Variants in NWD2 observed in about 807,000 individuals in gnomAD.
The protein encoded by NWD2 is NACHT and WD repeat domain-containing protein 2.
In NWD2, 37 loss-of-function variants were observed where a neutral mutation model predicts 132.7. The ratio of observed to expected loss-of-function variants is 0.28; its 90% CI spans 0.21 to 0.37. The LOEUF (loss-of-function observed/expected upper bound fraction) is 0.37. Ranked by LOEUF, NWD2 falls within the 10% of genes least tolerant of loss-of-function variation. NWD2 has a pLI of 1.00. For missense variants in NWD2, 1,592 were observed against 2,122.4 expected, an observed-to-expected ratio of 0.75 and a Z score of 4.91; for synonymous variants, 705 against 803.0, an observed-to-expected ratio of 0.88 and a Z score of 2.06.
intron 2 of NWD2, among the ~76,000 whole-genome samples, chr4:37,347,452 A>C (rs1719658786): frequency 6.6e-6 from 1 of 152,124 alleles, no homozygotes. Flanking sequence ...GTTTATACCA[A>C]TTTAATTTAT....
At chr4:37,325,728 T>A (rs1203163702) in intron 1 of NWD2, among the ~76,000 whole-genome samples, 2 of 152,176 alleles carry the variant, frequency 1.3e-5, no homozygotes, top group Non-Finnish European at 2.9e-5. Context: ...TGGTCCATCC[T>A]GTGGACTGCT....
intron 1 of NWD2, among the ~76,000 whole-genome samples, chr4:37,322,509 A>G (rs144083651): frequency 2.3e-4 from 35 of 152,342 alleles, no homozygotes; most frequent in African/African-American, 6.7e-4. Context: ...CTGGAGGGAC[A>G]TAAACAGGAA....
chr4:37,287,343 A>AT (rs1453341851), intron 1 of NWD2, among the ~76,000 whole-genome samples: 29 of 150,130 alleles, frequency 1.9e-4, no homozygotes, highest in Middle Eastern at 3.4e-3. Context: ...GCTTTTTGCG[A>AT]CGGGGGGCAG....
At chr4:37,425,342 C>T (rs574680618) in intron 3 of NWD2, among the ~76,000 whole-genome samples, 3 of 152,266 alleles carry the variant, frequency 2.0e-5, no homozygotes, top group Admixed American at 1.3e-4. Flanking sequence ...GATTTTTCAG[C>T]CTTTTGGACT....
intron 1 of NWD2, among the ~76,000 whole-genome samples, chr4:37,282,288 C>T (rs1718144039): frequency 6.6e-6 from 1 of 152,036 alleles, no homozygotes; most frequent in Non-Finnish European, 1.5e-5. Flanking sequence ...AAATTGATAG[C>T]ATTATAGCTA....
At chr4:37,266,434 G>A (rs1717752868) in intron 1 of NWD2, among the ~76,000 whole-genome samples, 1 of 152,044 alleles carries the variant, frequency 6.6e-6, no homozygotes, top group Non-Finnish European at 1.5e-5. Context: ...GTAGCTACAG[G>A]TTACTTCAAG....
At chr4:37,419,548 G>A (rs1340246759) in intron 3 of NWD2, among the ~76,000 whole-genome samples, 1 of 151,902 alleles carries the variant, frequency 6.6e-6, no homozygotes, top group Admixed American at 6.6e-5. Flanking sequence ...TTAAACAAAT[G>A]TACAAGAAAT....
chr4:37,443,674 A>T lies in NWD2; in HGVS notation c.1686A>T (p.Glu562Asp), dbSNP rs1464017209. ...ILQKLRCLIHEEDNYIELIPR... is the reference protein window; with the variant it reads ...ILQKLRCLIHDEDNYIELIPR... ...AGAAACTAAGGTGCCTTATCCATGA[A>T]GAAGACAACTACATCGAGCTGATTC... Residue 562 changes from glutamate to aspartate, a missense_variant, in exon 7 of 7, where the codon GAA (glutamate) becomes GAT (aspartate). Coordinates refer to ENST00000309447, the MANE Select transcript of NWD2 (RefSeq NM_001144990.2). This position sits in a 1 kb window ranked among gnomAD's most constrained non-coding sequence, Gnocchi z 4.1. The T allele has an allele frequency of 6.4e-7, 1 of 1,552,044 alleles. No homozygotes were observed. The highest frequency in any genetic ancestry group is 8.7e-7 in the Non-Finnish European group (1 of 1,147,114).
intron 3 of NWD2, among the ~76,000 whole-genome samples, chr4:37,367,317 T>TG (rs1720122196): frequency 6.6e-6 from 1 of 152,204 alleles, no homozygotes; most frequent in Non-Finnish European, 1.5e-5. Context: ...ACTTGTGGAT[T>TG]CAGCTAATGA....
At chr4:37,360,851 A>T (rs1004218015) in intron 3 of NWD2, among the ~76,000 whole-genome samples, 1 of 152,110 alleles carries the variant, frequency 6.6e-6, no homozygotes, top group Non-Finnish European at 1.5e-5. Context: ...CATCCCTCCA[A>T]ATGTGGAGTA....
chr4:37,427,641 T>C (rs1039830751), intron 3 of NWD2, among the ~76,000 whole-genome samples: 6 of 152,184 alleles, frequency 3.9e-5, no homozygotes, highest in Non-Finnish European at 8.8e-5. Flanking sequence ...CATCCCTCCA[T>C]TCTAGCCCCT....
chr4:37,430,164 G>T (rs1712131102), intron 3 of NWD2, among the ~76,000 whole-genome samples: 1 of 152,076 alleles, frequency 6.6e-6, no homozygotes, highest in Non-Finnish European at 1.5e-5. Flanking sequence ...TTAGAATTAT[G>T]CTATCAGTTC....
intron 3 of NWD2, among the ~76,000 whole-genome samples, chr4:37,367,160 AAACTGAAAAAT>A (rs1343476690): frequency 1.3e-5 from 2 of 152,176 alleles, no homozygotes; most frequent in East Asian, 3.9e-4. Context: ...GTGGAATTAA[AAACTGAAAAAT>A]AACTGAAAGA....
chr4:37,361,405 T>C (rs1467634550), intron 3 of NWD2, among the ~76,000 whole-genome samples: 1 of 152,020 alleles, frequency 6.6e-6, no homozygotes, highest in Non-Finnish European at 1.5e-5. Context: ...CAGGCAAATA[T>C]TCCTGGTGAA....
chr4:37,322,702 C>G (rs1226525124), intron 1 of NWD2, among the ~76,000 whole-genome samples: 1 of 152,082 alleles, frequency 6.6e-6, no homozygotes, highest in African/African-American at 2.4e-5. Flanking sequence ...AGTATGAAAA[C>G]AGGGAGATGG....
intron 1 of NWD2, among the ~76,000 whole-genome samples, chr4:37,294,799 T>C (rs1433101034): frequency 1.3e-5 from 2 of 152,232 alleles, no homozygotes; most frequent in African/African-American, 2.4e-5. Flanking sequence ...AAACCAAATG[T>C]ATCTGAGACG....
rs369996058 is a variant in NWD2 at position 37,339,958 on chromosome 4, T to G, written c.240+13934T>G. Among the ~76,000 whole-genome samples the G allele has an allele frequency of 2.6e-5, 4 of 151,646 alleles. No individual in the cohort carries two copies. The East Asian group carries it at 5.8e-4, about 22-fold the overall frequency. ...TTTGAATTTCTGTTTCTGGTTGTTT[T>G]TTTTTTTTTTCACTGAAGATAATGG... On this transcript the variant is annotated intron_variant, in intron 2 of 6. Coordinates refer to ENST00000309447, the MANE Select transcript of NWD2 (RefSeq NM_001144990.2).
Position 37,447,318 on chromosome 4 carries a change from G to GCCGGGCGCGGTGGCTC in NWD2, c.*101_*102insCCGGGCGCGGTGGCTC. 4 of 892,062 alleles carry GCCGGGCGCGGTGGCTC rather than the reference G, an allele frequency of 4.5e-6. No individual in the cohort carries two copies. The highest frequency in any genetic ancestry group is 6.7e-6 in the Non-Finnish European group (4 of 594,322). The allele number at this position is 892,062 out of a possible 1,614,324, so 55.3% of individuals were successfully genotyped here. On this transcript the variant is annotated 3_prime_UTR_variant, in exon 7 of 7. Coordinates refer to ENST00000309447, the MANE Select transcript of NWD2 (RefSeq NM_001144990.2). ...TATTCATTTATTAAAAGGCAGGAGC[G>GCCGGGCGCGGTGGCTC]ATGCTGGAATTCCAGTGTTTTATTA...
At chr4:37,323,257 A>G (rs1372894045) in intron 1 of NWD2, among the ~76,000 whole-genome samples, 1 of 152,200 alleles carries the variant, frequency 6.6e-6, no homozygotes, top group Admixed American at 6.5e-5. Flanking sequence ...AACAGAGTAA[A>G]CAGACAACCT....
Sources: allele counts gnomAD v4.1 joint callset (sites outside exome capture counted in the v4.1 genomes callset), GRCh38; gene constraint gnomAD v4.1.1; non-coding constraint Gnocchi (gnomAD v3.1); transcripts MANE v1.5; gene names NCBI Gene and HGNC (gene_info 2026-07-23, HGNC 2026-07-21).